The following ROBO1 variants were observed in gnomAD, a reference collection of about 807,000 sequenced individuals.
The protein encoded by ROBO1 is roundabout guidance receptor 1.
ROBO1 carries 149 observed loss-of-function variants against 195.9 expected under a neutral mutation model. The ratio of observed to expected loss-of-function variants is 0.76; its 90% confidence interval spans 0.67 to 0.87. The LOEUF is 0.87. Among genes scored for constraint, ROBO1 ranks in the 40% least tolerant of loss-of-function variants. ROBO1 has a pLI of 0.00. For missense variants in ROBO1, 1,933 were observed against 2,068.3 expected (o/e 0.93, Z 1.27); for synonymous variants, 816 against 733.2 (o/e 1.11, Z -1.82).
At chr3:78,814,217 C>T (rs1044481111) in intron 4 of ROBO1, among the ~76,000 whole-genome samples, 13 of 152,110 alleles carry the variant, frequency 8.5e-5, no homozygotes, top group African/African-American at 2.9e-4. Context: ...TCTATGTCCA[C>T]ATTGCCCAAT....
intron 4 of ROBO1, among the ~76,000 whole-genome samples, chr3:78,906,499 G>A (rs1382275941): frequency 6.6e-6 from 1 of 152,124 alleles, no homozygotes; most frequent in Non-Finnish European, 1.5e-5. Context: ...TGTGAAAACT[G>A]AAGGGATCCT....
At chr3:78,988,506 A>C (rs1022193976) in intron 3 of ROBO1, among the ~76,000 whole-genome samples, 45 of 152,132 alleles carry the variant, frequency 3.0e-4, no homozygotes, top group Non-Finnish European at 4.0e-4. Context: ...ATCTCCAGAG[A>C]CCTTTTATCC....
intron 3 of ROBO1, among the ~76,000 whole-genome samples, chr3:79,122,109 A>C (rs2080128755): frequency 6.6e-6 from 1 of 152,076 alleles, no homozygotes; most frequent in African/African-American, 2.4e-5. Flanking sequence ...CTCTTCAAAA[A>C]ATCATTGATT....
chr3:79,637,084 A>G (rs559848516), intron 1 of ROBO1, among the ~76,000 whole-genome samples: 4 of 152,334 alleles, frequency 2.6e-5, no homozygotes, highest in African/African-American at 9.6e-5. Context: ...TCAACAGCCC[A>G]ATAAACCACA....
At chr3:79,639,946 G>T (rs1560061573) in intron 1 of ROBO1, among the ~76,000 whole-genome samples, 5 of 152,164 alleles carry the variant, frequency 3.3e-5, no homozygotes, top group Admixed American at 3.3e-4. Context: ...TGCATCAGTA[G>T]CTTGTAAGAG....
chr3:78,651,087 T>C (rs1461973348), intron 19 of ROBO1, among the ~76,000 whole-genome samples: 3 of 152,216 alleles, frequency 2.0e-5, no homozygotes, highest in African/African-American at 7.2e-5. Context: ...TTTAAAATTG[T>C]AAATAATAAT....
intron 2 of ROBO1, among the ~76,000 whole-genome samples, chr3:79,230,481 T>G (rs2082299025): frequency 6.6e-6 from 1 of 152,022 alleles, no homozygotes; most frequent in Non-Finnish European, 1.5e-5. Flanking sequence ...GTCAAGTGAC[T>G]TGCTTTGGTC....
At chr3:79,042,993 A>G (rs1576604185) in intron 3 of ROBO1, among the ~76,000 whole-genome samples, 1 of 152,148 alleles carries the variant, frequency 6.6e-6, no homozygotes, top group Admixed American at 6.6e-5. Context: ...TCATGATATA[A>G]AAACTGCCAA....
At chr3:78,628,276 C>A (rs1211977407) in intron 25 of ROBO1, among the ~76,000 whole-genome samples, 6 of 152,184 alleles carry the variant, frequency 3.9e-5, no homozygotes, top group African/African-American at 1.4e-4. Flanking sequence ...TCTTAACAAT[C>A]TTTGCAGAGA....
At chr3:79,614,504 T>C (rs1420462558) in intron 1 of ROBO1, among the ~76,000 whole-genome samples, 1 of 152,142 alleles carries the variant, frequency 6.6e-6, no homozygotes, top group Non-Finnish European at 1.5e-5. Flanking sequence ...GAAATAAGTG[T>C]GCTTAGCGAT....
At chr3:79,592,140 T>C (rs1421009520) in intron 1 of ROBO1, among the ~76,000 whole-genome samples, 1 of 151,974 alleles carries the variant, frequency 6.6e-6, no homozygotes, top group African/African-American at 2.4e-5. Flanking sequence ...TTGTCATTTA[T>C]TAATAGCCAT....
At chr3:78,789,120 G>A (rs2083940258) in intron 4 of ROBO1, among the ~76,000 whole-genome samples, 1 of 152,152 alleles carries the variant, frequency 6.6e-6, no homozygotes, top group African/African-American at 2.4e-5. Flanking sequence ...TCTCATAAGT[G>A]TAGACTGATC....
At chr3:79,524,686 A>G (rs1197164568) in intron 2 of ROBO1, among the ~76,000 whole-genome samples, 5 of 152,134 alleles carry the variant, frequency 3.3e-5, no homozygotes, top group Non-Finnish European at 7.4e-5. Flanking sequence ...AAATGAATTG[A>G]TCAATGTATG....
chr3:78,829,023 A>C (rs1333226659), intron 4 of ROBO1, among the ~76,000 whole-genome samples: 1 of 152,208 alleles, frequency 6.6e-6, no homozygotes, highest in Admixed American at 6.5e-5. Context: ...GAGCACCGTT[A>C]GGCAAAGTTC....
At chr3:79,246,907 A>C (rs1372129691) in intron 2 of ROBO1, among the ~76,000 whole-genome samples, 1 of 152,026 alleles carries the variant, frequency 6.6e-6, no homozygotes, top group African/African-American at 2.4e-5. Context: ...ACACCATGGT[A>C]AACCCTGGGG....
chr3:79,668,482 A>G (rs1159496968), intron 1 of ROBO1, among the ~76,000 whole-genome samples: 1 of 151,644 alleles, frequency 6.6e-6, no homozygotes, highest in East Asian at 1.9e-4. Flanking sequence ...CTTCAAATTT[A>G]AAAATCTAAT....
intron 8 of ROBO1, 88 bp from the exon 9 acceptor site, chr3:78,688,860 G>A: frequency 7.8e-7 from 1 of 1,285,358 alleles, no homozygotes; most frequent in East Asian, 2.8e-5. Flanking sequence ...AAGTGCTGCT[G>A]TTATTTTATA....
intron 2 of ROBO1, among the ~76,000 whole-genome samples, chr3:79,328,062 T>A (rs1483527608): frequency 6.6e-6 from 1 of 152,216 alleles, no homozygotes; most frequent in Non-Finnish European, 1.5e-5. Flanking sequence ...GCAAAACATG[T>A]AAAATATGAC....
chr3:79,676,040 G>T (rs1270796775), intron 1 of ROBO1, among the ~76,000 whole-genome samples: 1 of 152,048 alleles, frequency 6.6e-6, no homozygotes, highest in South Asian at 2.1e-4. Flanking sequence ...CTTTTCTCTT[G>T]TGAATCTATT....
Sources: gnomAD v4.1 joint callset for allele counts (sites outside exome capture counted in the v4.1 genomes callset) on GRCh38, gnomAD v4.1.1 for gene constraint, MANE v1.5 for transcripts, NCBI Gene and HGNC (gene_info 2026-07-23, HGNC 2026-07-21) for gene names.